Variants in DLG2 observed in about 807,000 individuals in gnomAD.
DLG2 encodes disks large homolog 2.
DLG2 carries 45 observed loss-of-function variants against 132.5 expected under a neutral mutation model. The ratio of observed to expected loss-of-function variants is 0.34; its 90% CI spans 0.27 to 0.44. DLG2 has a LOEUF of 0.44. DLG2 is among the 20% of genes least tolerant of loss of function. DLG2 has a pLI of 1.00. For missense variants in DLG2, 1,045 were observed against 1,196.9 expected (o/e 0.87, Z 1.87); for synonymous variants, 424 against 419.6 (o/e 1.01, Z -0.13).
At chr11:84,878,601 A>G (rs1453037387) in intron 6 of DLG2, among the ~76,000 whole-genome samples, 1 of 152,136 alleles carries the variant, frequency 6.6e-6, no homozygotes, top group Non-Finnish European at 1.5e-5. Flanking sequence ...GAAATACCTA[A>G]TGTAGATAAT....
Position 84,956,072 on chromosome 11 carries a change from T to C in DLG2, c.357+155589A>G, listed in dbSNP as rs540392021. On this transcript the variant is annotated intron_variant, in intron 6 of 27. Coordinates refer to ENST00000376104, the MANE Select transcript of DLG2 (RefSeq NM_001142699.3). The stretch of plus-strand genomic sequence containing the variant: ...TACCCAGCCAGGTATCATCAGCCTG[T>C]GGTTTATGATTTCAGATATCTCTAA... Among the ~76,000 whole-genome samples, 22 of 152,296 alleles carry C rather than the reference T, an allele frequency of 1.4e-4. 2 individuals are homozygous for C. In the South Asian group the frequency reaches 4.6e-3, roughly 32 times the overall value.
At chr11:83,481,359 T>C (rs936551588) in intron 22 of DLG2, among the ~76,000 whole-genome samples, 2 of 151,852 alleles carry the variant, frequency 1.3e-5, no homozygotes, top group Non-Finnish European at 2.9e-5. Context: ...TATGAACTTA[T>C]TTGTATATTA....
At chr11:85,413,731 G>T (rs1247337626) in intron 3 of DLG2, among the ~76,000 whole-genome samples, 1 of 151,762 alleles carries the variant, frequency 6.6e-6, no homozygotes, top group African/African-American at 2.4e-5. Flanking sequence ...TTTGTTTCTG[G>T]GTTCTGTATT....
At chr11:85,362,609 T>A (rs1025714909) in intron 3 of DLG2, among the ~76,000 whole-genome samples, 12 of 150,102 alleles carry the variant, frequency 8.0e-5, no homozygotes, top group Admixed American at 6.0e-4. Flanking sequence ...TTTTTTTTTA[T>A]TTTTTTTTAA....
intron 18 of DLG2, among the ~76,000 whole-genome samples, chr11:83,671,375 A>G (rs1012724835): frequency 2.0e-5 from 3 of 152,244 alleles, no homozygotes; most frequent in African/African-American, 7.2e-5. Flanking sequence ...ATCCTGATGT[A>G]GAGTCTGTAT....
At chr11:84,305,342 C>A (rs1472603532) in intron 7 of DLG2, among the ~76,000 whole-genome samples, 1 of 151,856 alleles carries the variant, frequency 6.6e-6, no homozygotes, top group Non-Finnish European at 1.5e-5. Flanking sequence ...ACAAAGGGTA[C>A]AGGAAAATAA....
intron 7 of DLG2, among the ~76,000 whole-genome samples, chr11:84,361,144 C>A (rs2098647654): frequency 6.6e-6 from 1 of 151,710 alleles, no homozygotes; most frequent in African/African-American, 2.4e-5. Flanking sequence ...CAAGTACAGT[C>A]CTAGAAAGTG....
At chr11:85,255,411 A>G (rs2076619304) in intron 4 of DLG2, among the ~76,000 whole-genome samples, 1 of 152,240 alleles carries the variant, frequency 6.6e-6, no homozygotes, top group Non-Finnish European at 1.5e-5. Flanking sequence ...ATGTATATAA[A>G]CTGCATTTTA....
intron 3 of DLG2, chr11:85,453,652 T>G (rs533050175): frequency 1.3e-5 from 2 of 152,916 alleles, no homozygotes; most frequent in Admixed American, 6.5e-5. Context: ...CATCAAGCTC[T>G]CCAAGAGTGT....
At chr11:85,492,978 T>A (rs930550974) in intron 3 of DLG2, among the ~76,000 whole-genome samples, 2 of 151,794 alleles carry the variant, frequency 1.3e-5, no homozygotes, top group African/African-American at 4.8e-5. Context: ...TTTGAAGGAG[T>A]TAGCGCTAAG....
intron 9 of DLG2, among the ~76,000 whole-genome samples, chr11:84,147,325 G>A (rs771847300): frequency 7.9e-5 from 12 of 152,136 alleles, no homozygotes; most frequent in Non-Finnish European, 1.3e-4. Flanking sequence ...CCAGAATCAC[G>A]GGGTTGGAAA....
At chr11:83,487,882 A>C (rs2093616010) in intron 21 of DLG2, among the ~76,000 whole-genome samples, 1 of 152,028 alleles carries the variant, frequency 6.6e-6, no homozygotes, top group African/African-American at 2.4e-5. Flanking sequence ...AAATCTGTGG[A>C]AACAAAGGTA....
At chr11:85,594,857 G>C (rs987863599) in intron 3 of DLG2, among the ~76,000 whole-genome samples, 22 of 151,894 alleles carry the variant, frequency 1.4e-4, no homozygotes, top group African/African-American at 5.1e-4. Flanking sequence ...CACAAGGTCA[G>C]GAGTTCGAGA....
chr11:85,161,263 C>T (rs1429368288), intron 4 of DLG2, among the ~76,000 whole-genome samples: 2 of 152,186 alleles, frequency 1.3e-5, no homozygotes, highest in African/African-American at 4.8e-5. Flanking sequence ...CTGTCATTGG[C>T]CAGTGGGCCC....
intron 6 of DLG2, among the ~76,000 whole-genome samples, chr11:84,814,392 G>C (rs901172973): frequency 6.6e-6 from 1 of 152,150 alleles, no homozygotes; most frequent in East Asian, 1.9e-4. Context: ...CTGGATTTCA[G>C]ACACCCATAG....
chr11:85,225,518 C>T (rs1565183016), intron 4 of DLG2, among the ~76,000 whole-genome samples: 1 of 151,954 alleles, frequency 6.6e-6, no homozygotes, highest in Non-Finnish European at 1.5e-5. Context: ...CTCTTTCTTT[C>T]CAAAGTTAAC....
At position 85,116,338 on chromosome 11, in the gene DLG2, GA is replaced by G. The variant is rs35809811; in HGVS notation, c.283-4604del. Among the ~76,000 whole-genome samples, 1,467 of 151,762 alleles carry G rather than the reference GA, an allele frequency of 9.7e-3. 21 individuals carry two copies. The highest frequency in any genetic ancestry group is 0.032 in the African/African-American group (1,331 of 41,448). Reference sequence around the variant, plus strand: ...AGTTAAAAATTTTTTCAAAAAGTTTGAGGAAAAACGACTCAGAAAGTGCCTC... The same window carrying G: ...AGTTAAAAATTTTTTCAAAAAGTTTGGGAAAAACGACTCAGAAAGTGCCTC... On this transcript the variant is annotated intron_variant, in intron 5 of 27. Coordinates refer to ENST00000376104, the MANE Select transcript of DLG2 (RefSeq NM_001142699.3).
At chr11:84,924,095 G>T (rs1046283588) in intron 6 of DLG2, among the ~76,000 whole-genome samples, 2 of 151,178 alleles carry the variant, frequency 1.3e-5, no homozygotes, top group Non-Finnish European at 2.9e-5. Flanking sequence ...CTATAAGTCC[G>T]TAAGGAAAAA....
At chr11:84,388,585 A>G (rs1016335762) in intron 7 of DLG2, among the ~76,000 whole-genome samples, 60 of 152,028 alleles carry the variant, frequency 3.9e-4, no homozygotes, top group African/African-American at 1.4e-3. Flanking sequence ...TTAGATTACA[A>G]TTATTTCAGT....
Sources: gnomAD v4.1 joint callset for allele counts (sites outside exome capture counted in the v4.1 genomes callset) on GRCh38, gnomAD v4.1.1 for gene constraint, MANE v1.5 for transcripts, NCBI Gene and HGNC (gene_info 2026-07-23, HGNC 2026-07-21) for gene names.